Variants in CELF2 observed in about 807,000 individuals in gnomAD.
CELF2 encodes the protein CUG triplet repeat RNA-binding protein 2.
A neutral mutation model predicts 62.6 loss-of-function variants in CELF2; 8 were observed. That is an observed-to-expected ratio of 0.13 (90% CI 0.07 to 0.23). The LOEUF (loss-of-function observed/expected upper bound fraction) is 0.23. Among genes scored for constraint, CELF2 ranks in the 10% least tolerant of loss-of-function variants. CELF2 has a pLI of 1.00. For missense variants in CELF2, 333 were observed against 671.0 expected, an observed-to-expected ratio of 0.50 and a Z score of 5.56; for synonymous variants, 258 against 250.0, an observed-to-expected ratio of 1.03 and a Z score of -0.30.
intron 1 of CELF2, among the ~76,000 whole-genome samples, chr10:10,884,422 G>A (rs1360384154): frequency 2.0e-5 from 3 of 152,144 alleles, no homozygotes; most frequent in South Asian, 2.1e-4. Flanking sequence ...TGCTAAACCT[G>A]CTTTTAAATG....
At chr10:10,978,866 C>T (rs2051696116) in intron 2 of CELF2, among the ~76,000 whole-genome samples, 1 of 152,276 alleles carries the variant, frequency 6.6e-6, no homozygotes, top group Middle Eastern at 3.4e-3. Context: ...TACTCATAAG[C>T]AAGGAATAGC....
chr10:10,959,031 C>A (rs544925876), intron 2 of CELF2, among the ~76,000 whole-genome samples: 2 of 152,022 alleles, frequency 1.3e-5, no homozygotes, highest in Non-Finnish European at 2.9e-5. Context: ...CCGAGGTAGG[C>A]GGATCTTTTG....
At position 11,237,633 on chromosome 10, in the gene CELF2, G is replaced by A. The variant is rs959613623; in HGVS notation, c.355-11520G>A. On this transcript the variant is annotated intron_variant, in intron 3 of 12. Coordinates refer to ENST00000633077, the MANE Select transcript of CELF2 (RefSeq NM_001326342.2). The surrounding 1 kb of genome is among the most constrained non-coding windows in gnomAD (Gnocchi z 4.0). ...TCTCCACACTGGGTGAGGGTTACAA[G>A]GGAGGCTGGGGGTCAGCCACTCACT... Among the ~76,000 whole-genome samples the A allele has an allele frequency of 6.6e-6, 1 of 152,204 alleles. No individual in the cohort carries two copies. Among genetic ancestry groups the A allele is most frequent in the African/African-American group, 2.4e-5 (1 of 41,460 alleles).
chr10:11,087,878 G>A (rs1026547030), intron 1 of CELF2, among the ~76,000 whole-genome samples: 8 of 152,164 alleles, frequency 5.3e-5, no homozygotes, highest in African/African-American at 9.7e-5. Flanking sequence ...AAGGAGGGCC[G>A]GTCTACTTCC....
the CELF2 span, among the ~76,000 whole-genome samples, chr10:10,476,164 G>A: frequency 2.0e-5 from 3 of 152,012 alleles, no homozygotes; most frequent in African/African-American, 4.8e-5. Flanking sequence ...TAATTTCAAC[G>A]TGTTTCAGTG....
At chr10:10,949,335 C>T (rs562008158) in intron 2 of CELF2, among the ~76,000 whole-genome samples, 2 of 152,232 alleles carry the variant, frequency 1.3e-5, no homozygotes, top group South Asian at 4.2e-4. Context: ...GGCACAGCTT[C>T]CAGTGGGGCT....
At chr10:10,822,969 A>G (rs1283648169) in intron 1 of CELF2, among the ~76,000 whole-genome samples, 1 of 152,236 alleles carries the variant, frequency 6.6e-6, no homozygotes, top group East Asian at 1.9e-4. Flanking sequence ...GGTTAAATTC[A>G]TTAGATAAAT....
At chr10:11,140,236 GGTTTTT>G (rs940616600) in intron 1 of CELF2, among the ~76,000 whole-genome samples, 33 of 152,110 alleles carry the variant, frequency 2.2e-4, no homozygotes, top group African/African-American at 5.8e-4. Flanking sequence ...TTTTGATGTT[GGTTTTT>G]GTTTTTGTTT....
At chr10:11,254,843 G>A (rs1239271893) in intron 4 of CELF2, among the ~76,000 whole-genome samples, 1 of 152,224 alleles carries the variant, frequency 6.6e-6, no homozygotes, top group Admixed American at 6.5e-5. Context: ...CGAGAGGGAA[G>A]GAGGAGTCCT....
intron 1 of CELF2, among the ~76,000 whole-genome samples, chr10:10,880,137 C>T (rs962168891): frequency 2.6e-5 from 4 of 152,116 alleles, no homozygotes; most frequent in Non-Finnish European, 5.9e-5. Context: ...ACAAGAACAT[C>T]GCCATGATTT....
chr10:10,478,967 G>T, the CELF2 span, among the ~76,000 whole-genome samples: 2 of 152,116 alleles, frequency 1.3e-5, no homozygotes, highest in Non-Finnish European at 2.9e-5. Context: ...TCTTTGATTT[G>T]TTCATGCTTC....
In CELF2 at chr10:11,217,024, G is replaced by A. The variant is rs148502779; in HGVS notation, c.272-401G>A. ...TTAGAAAGTCTTTCAAAAACCTGAC[G>A]TTCTGGAGATACACTTTAAGAAAAT... is the stretch of plus-strand genomic sequence containing the variant. On this transcript the variant is annotated intron_variant, in intron 2 of 12. Coordinates refer to ENST00000633077, the MANE Select transcript of CELF2 (RefSeq NM_001326342.2). The surrounding 1 kb of genome is among the most constrained non-coding windows in gnomAD (Gnocchi z 5.6). Among the ~76,000 whole-genome samples, 8 of 152,340 alleles carry A rather than the reference G, an allele frequency of 5.3e-5. No homozygotes were observed. Among genetic ancestry groups the A allele is most frequent in the Admixed American group, 2.0e-4 (3 of 15,294 alleles).
chr10:11,209,368 G>A (rs1377246966), intron 2 of CELF2, among the ~76,000 whole-genome samples: 1 of 151,764 alleles, frequency 6.6e-6, no homozygotes, highest in Non-Finnish European at 1.5e-5. Context: ...GTGCCCTGAT[G>A]TGACCATTTC....
chr10:10,618,632 C>T, the CELF2 span, among the ~76,000 whole-genome samples: 2 of 152,074 alleles, frequency 1.3e-5, no homozygotes, highest in African/African-American at 4.8e-5. Flanking sequence ...TCCCTGAGGA[C>T]AGGAACTGCG....
rs2095976697 is a variant in CELF2, at chr10:11,330,295, T to C, written c.*1242T>C. ...GGATTCTCTTGGGGTTTCATTGTGC[T>C]GTGGATAAGGAGTGTAAGAAATGCA... On this transcript the variant is annotated 3_prime_UTR_variant, in exon 13 of 13. Coordinates refer to ENST00000633077, the MANE Select transcript of CELF2 (RefSeq NM_001326342.2). The surrounding 1 kb of genome is among the most constrained non-coding windows in gnomAD (Gnocchi z 4.5). 6.6e-6 allele frequency: 1 copy of C among 152,660 alleles called. No homozygotes were observed. The highest frequency in any genetic ancestry group is 1.5e-5 in the Non-Finnish European group (1 of 68,046). 9.5% of individuals were successfully genotyped at this position (152,660 alleles called of 1,614,324 possible). A position where few individuals can be genotyped will look rare whatever the true frequency, so the allele number is the denominator to read the frequency against.
intron 2 of CELF2, among the ~76,000 whole-genome samples, chr10:11,205,055 A>T (rs1053407312): frequency 3.3e-5 from 5 of 152,358 alleles, no homozygotes; most frequent in Non-Finnish European, 5.9e-5. Flanking sequence ...TAAGAAAGTC[A>T]TGAAAATGAT....
At chr10:10,782,501 T>A in the CELF2 span, among the ~76,000 whole-genome samples, 765 of 152,290 alleles carry the variant, frequency 5.0e-3, 4 homozygotes, top group Admixed American at 9.9e-3. Context: ...AGTTCACTGA[T>A]TCAAATGCTA....
intron 1 of CELF2, among the ~76,000 whole-genome samples, chr10:11,080,091 G>C (rs1184327286): frequency 6.6e-6 from 1 of 152,210 alleles, no homozygotes; most frequent in Non-Finnish European, 1.5e-5. Context: ...GCACTTGACA[G>C]ATGCTAGTTC....
At chr10:11,184,488 A>C (rs2074309351) in intron 2 of CELF2, among the ~76,000 whole-genome samples, 1 of 152,190 alleles carries the variant, frequency 6.6e-6, no homozygotes, top group African/African-American at 2.4e-5. Flanking sequence ...ATCAATTGGG[A>C]GAAATTTGTC....
Sources: allele counts gnomAD v4.1 joint callset (sites outside exome capture counted in the v4.1 genomes callset), GRCh38; gene constraint gnomAD v4.1.1; non-coding constraint Gnocchi (gnomAD v3.1); transcripts MANE v1.5; gene names NCBI Gene and HGNC (gene_info 2026-07-23, HGNC 2026-07-21).